The following EYS variants were observed in gnomAD, a reference collection of about 807,000 sequenced individuals.
EYS encodes the protein EGF-like photoreceptor maintenance factor.
A neutral mutation model predicts 282.1 loss-of-function variants in EYS; 250 were observed. That is an observed-to-expected ratio of 0.89 (90% CI 0.80 to 0.98). The LOEUF is 0.98. Among genes scored for constraint, EYS ranks in the 50% least tolerant of loss-of-function variants. The pLI is 0.00. For synonymous variants in EYS, 1,355 were observed against 1,282.9 expected (o/e 1.06, Z -1.20); for missense variants, 4,016 against 3,709.0 (o/e 1.08, Z -2.15).
intron 22 of EYS, among the ~76,000 whole-genome samples, chr6:64,712,087 C>T (rs1771233784): frequency 6.6e-6 from 1 of 152,180 alleles, no homozygotes; most frequent in South Asian, 2.1e-4. Flanking sequence ...CTTTAAGGTG[C>T]CTTCAGCTTG....
chr6:64,591,175 T>C lies in EYS; in HGVS notation c.4692A>G (p.Ile1564Met). Residue 1564 changes from isoleucine to methionine, a missense_variant, in exon 26 of 43, where the codon ATA (isoleucine) becomes ATG (methionine). Physicochemically the swap from Ile to Met is conservative, Grantham distance 10 (BLOSUM62 1). Coordinates refer to ENST00000503581, the MANE Select transcript of EYS (RefSeq NM_001142800.2). Reference protein sequence around the residue: ...QTCATCSMTEIKSSREFSDQV... With the variant: ...QTCATCSMTEMKSSREFSDQV... Reference sequence around the variant, plus strand: ...GATCTGAGAATTCACGAGAGGATTTTATTTCAGTCATAGAACATGTTGCAC... The same window carrying C: ...GATCTGAGAATTCACGAGAGGATTTCATTTCAGTCATAGAACATGTTGCAC... The C allele has an allele frequency of 6.4e-7, 1 of 1,551,376 alleles. No individual in the cohort carries two copies. Among genetic ancestry groups the C allele is most frequent in the Non-Finnish European group, 8.7e-7 (1 of 1,146,788 alleles).
intron 2 of EYS, among the ~76,000 whole-genome samples, chr6:65,607,033 T>G (rs1436973669): frequency 6.6e-6 from 1 of 151,876 alleles, no homozygotes; most frequent in East Asian, 1.9e-4. Flanking sequence ...TTATGAAAAC[T>G]GAATAACTAA....
At chr6:65,390,176 T>C (rs906536911) in intron 7 of EYS, among the ~76,000 whole-genome samples, 1 of 151,292 alleles carries the variant, frequency 6.6e-6, no homozygotes, top group Admixed American at 6.6e-5. Flanking sequence ...AGGGGGAAAT[T>C]AGCAAAATAA....
intron 29 of EYS, among the ~76,000 whole-genome samples, chr6:64,366,210 G>A (rs1346093492): frequency 1.3e-5 from 2 of 152,006 alleles, no homozygotes; most frequent in Non-Finnish European, 2.9e-5. Flanking sequence ...GAAAGTAACA[G>A]AGGTAACATT....
At chr6:64,819,950 G>T (rs186776195) in intron 21 of EYS, among the ~76,000 whole-genome samples, 3 of 152,132 alleles carry the variant, frequency 2.0e-5, no homozygotes, top group Admixed American at 2.0e-4. Context: ...ATGGAAAGGT[G>T]TTCAATCTTG....
intron 12 of EYS, among the ~76,000 whole-genome samples, chr6:65,264,715 C>T (rs955981970): frequency 6.6e-6 from 1 of 151,848 alleles, no homozygotes; most frequent in Non-Finnish European, 1.5e-5. Flanking sequence ...ATCTCTTTCA[C>T]TGTTTAAAGG....
At chr6:65,233,583 C>T (rs1766846311) in intron 12 of EYS, among the ~76,000 whole-genome samples, 1 of 152,066 alleles carries the variant, frequency 6.6e-6, no homozygotes, top group African/African-American at 2.4e-5. Context: ...GGCTTGGAGG[C>T]TGCAATCATT....
intron 7 of EYS, among the ~76,000 whole-genome samples, chr6:65,389,249 T>A (rs542027279): frequency 6.6e-6 from 1 of 152,244 alleles, no homozygotes; most frequent in South Asian, 2.1e-4. Context: ...GCATTCATGA[T>A]CTAAAGCTGC....
intron 33 of EYS, among the ~76,000 whole-genome samples, chr6:64,003,914 C>G (rs1221341887): frequency 6.6e-6 from 1 of 152,150 alleles, no homozygotes; most frequent in African/African-American, 2.4e-5. Flanking sequence ...TGTTTGCTTC[C>G]CCTTCTGCCA....
At chr6:64,008,266 G>C (rs977590302) in intron 33 of EYS, among the ~76,000 whole-genome samples, 2 of 152,088 alleles carry the variant, frequency 1.3e-5, no homozygotes, top group Admixed American at 6.5e-5. Flanking sequence ...TTGGCTTGAA[G>C]TCTGTTTTGT....
chr6:65,521,435 T>C (rs1347719421), intron 2 of EYS, among the ~76,000 whole-genome samples: 2 of 152,156 alleles, frequency 1.3e-5, no homozygotes, highest in East Asian at 3.9e-4. Context: ...TAAAAATACT[T>C]TTGAGAACTC....
chr6:64,051,423 C>A (rs953063856), intron 33 of EYS, among the ~76,000 whole-genome samples: 1 of 152,058 alleles, frequency 6.6e-6, no homozygotes, highest in Non-Finnish European at 1.5e-5. Context: ...AATACCTTTC[C>A]TTAATGTAAA....
intron 26 of EYS, among the ~76,000 whole-genome samples, chr6:64,541,097 C>G (rs747608831): frequency 6.6e-6 from 1 of 152,070 alleles, no homozygotes; most frequent in Non-Finnish European, 1.5e-5. Flanking sequence ...TTGAAAATGC[C>G]TAAACACAGA....
Position 65,667,553 on chromosome 6 carries a change from C to T in EYS, c.-447-27661G>A, listed in dbSNP as rs543418041. Among the ~76,000 whole-genome samples, 5 of 151,910 alleles carry T rather than the reference C, an allele frequency of 3.3e-5. No homozygotes were observed. The East Asian group carries it at 9.7e-4, about 29-fold the overall frequency. ...GTGACGCCTCTTTTCAGAGGACTTT[C>T]CCAACTACCAAATCAATTGTTGTTT... is the stretch of plus-strand genomic sequence containing the variant. On this transcript the variant is annotated intron_variant, in intron 1 of 42. Coordinates refer to ENST00000503581, the MANE Select transcript of EYS (RefSeq NM_001142800.2).
At position 64,637,196 on chromosome 6, in the gene EYS, A is replaced by T. The variant is rs1369137967; in HGVS notation, c.3444-10951T>A. ...TAGCAAAGACTTGGAACCAACCCAA[A>T]TGTCCAACAATGATAGACTGGATTG... On this transcript the variant is annotated intron_variant, in intron 22 of 42. Coordinates refer to ENST00000503581, the MANE Select transcript of EYS (RefSeq NM_001142800.2). 2.2e-5 allele frequency among the ~76,000 whole-genome samples: 2 copies of T among 91,810 alleles called. 1 individual carries two copies. The highest frequency in any genetic ancestry group is 4.7e-5 in the Non-Finnish European group (2 of 42,512). The allele number at this position is 91,810 out of a possible 152,430, so 60.2% of individuals were successfully genotyped here.
chr6:65,172,898 C>T (rs1360324009), intron 12 of EYS, among the ~76,000 whole-genome samples: 2 of 150,340 alleles, frequency 1.3e-5, no homozygotes, highest in East Asian at 2.0e-4. Context: ...ATTATCAGAA[C>T]ATGAAGGAAC....
chr6:65,555,556 A>G (rs1271557079), intron 2 of EYS, among the ~76,000 whole-genome samples: 1 of 152,174 alleles, frequency 6.6e-6, no homozygotes, highest in Non-Finnish European at 1.5e-5. Context: ...CACTTTTATT[A>G]AAAACATTCA....
intron 12 of EYS, among the ~76,000 whole-genome samples, chr6:65,231,642 G>A (rs904796963): frequency 3.3e-5 from 5 of 151,742 alleles, no homozygotes; most frequent in Non-Finnish European, 5.9e-5. Flanking sequence ...ATAGGTACAG[G>A]CAAGTTTTTC....
At chr6:63,752,494 C>CTT (rs11421916) in intron 41 of EYS, among the ~76,000 whole-genome samples, 7,578 of 132,020 alleles carry the variant, frequency 0.057, 500 homozygotes, top group African/African-American at 0.14. Context: ...TGTTTAATTT[C>CTT]TTTTTTTTTT....
Sources: allele counts gnomAD v4.1 joint callset (sites outside exome capture counted in the v4.1 genomes callset), GRCh38; gene constraint gnomAD v4.1.1; transcripts MANE v1.5; gene names NCBI Gene and HGNC (gene_info 2026-07-23, HGNC 2026-07-21).